Variants in GRID1 observed in about 807,000 individuals in gnomAD.
GRID1 encodes the protein glutamate ionotropic receptor delta type subunit 1, also known as glutamate receptor ionotropic, delta-1.
GRID1 carries 28 observed loss-of-function variants against 98.0 expected under a neutral mutation model. The observed-to-expected ratio is 0.29, with a 90% CI of 0.21 to 0.39. GRID1 has a LOEUF of 0.39. Among genes scored for constraint, GRID1 ranks in the 10% least tolerant of loss-of-function variants. The probability of loss-of-function intolerance (pLI) is 1.00; values close to 1 mark genes in which losing one functional copy is unlikely to be tolerated. For missense variants in GRID1, 1,111 were observed against 1,340.5 expected, an observed-to-expected ratio of 0.83 and a Z score of 2.67; for synonymous variants, 553 against 538.5, an observed-to-expected ratio of 1.03 and a Z score of -0.37.
At chr10:85,814,521 T>C (rs774825462) in intron 8 of GRID1, among the ~76,000 whole-genome samples, 89 of 151,878 alleles carry the variant, frequency 5.9e-4, no homozygotes, top group Non-Finnish European at 1.2e-3. Context: ...TTTGAAAAGA[T>C]GAGTAAGATT....
intron 12 of GRID1, among the ~76,000 whole-genome samples, chr10:85,652,147 A>G (rs1201862102): frequency 6.6e-6 from 1 of 152,140 alleles, no homozygotes; most frequent in Non-Finnish European, 1.5e-5. Flanking sequence ...CCCACCATGC[A>G]TCCTTCAGCT....
intron 2 of GRID1, among the ~76,000 whole-genome samples, chr10:86,292,836 CTGTATA>C (rs1264551370): frequency 5.9e-5 from 9 of 151,458 alleles, no homozygotes; most frequent in African/African-American, 1.7e-4. Flanking sequence ...TTGTGTGGGA[CTGTATA>C]TGTATGAGTG....
At chr10:85,793,014 C>G (rs1252768996) in intron 8 of GRID1, among the ~76,000 whole-genome samples, 1 of 152,188 alleles carries the variant, frequency 6.6e-6, no homozygotes, top group African/African-American at 2.4e-5. Flanking sequence ...TCCCATCCCT[C>G]CCTTAGCTTT....
rs148220959 is a variant in GRID1, at chr10:85,599,917, T to TCA, written c.*2355_*2356insTG. On this transcript the variant is annotated 3_prime_UTR_variant, in exon 16 of 16. Transcript: ENST00000327946. ...TGGTCTCTCTCTCTCTCTCTCTCTC[T>TCA]CTCACACACACACACACACACAAAC... 9.5e-4 allele frequency: 74 copies of TCA among 77,502 alleles called. No individual in the cohort carries two copies. Among genetic ancestry groups the TCA allele is most frequent in the Middle Eastern group, 7.9e-3 (1 of 126 alleles). The allele number at this position is 77,502 out of a possible 1,614,324, so 4.8% of individuals were successfully genotyped here. A position where few individuals can be genotyped will look rare whatever the true frequency, so the allele number is the denominator to read the frequency against.
intron 4 of GRID1, among the ~76,000 whole-genome samples, chr10:86,092,092 A>C (rs1844158186): frequency 6.6e-6 from 1 of 152,184 alleles, no homozygotes; most frequent in African/African-American, 2.4e-5. Flanking sequence ...ACCCCCAAAA[A>C]AATCACACTA....
intron 4 of GRID1, among the ~76,000 whole-genome samples, chr10:86,062,797 G>A (rs138850070): frequency 4.6e-5 from 7 of 152,348 alleles, no homozygotes; most frequent in Non-Finnish European, 7.3e-5. Flanking sequence ...CCCAGCACCC[G>A]TCTGGCACAG....
intron 4 of GRID1, among the ~76,000 whole-genome samples, chr10:86,040,079 T>G (rs374813574): frequency 3.3e-5 from 5 of 152,146 alleles, no homozygotes; most frequent in Non-Finnish European, 5.9e-5. Context: ...CATCCACTGT[T>G]GTGGGGCCTG....
chr10:85,878,228 T>C (rs1840933649), intron 5 of GRID1, among the ~76,000 whole-genome samples: 1 of 152,172 alleles, frequency 6.6e-6, no homozygotes, highest in East Asian at 1.9e-4. Flanking sequence ...TTCCCCAATA[T>C]AGCAAGGCAG....
At chr10:85,745,845 G>C (rs934668455) in intron 8 of GRID1, among the ~76,000 whole-genome samples, 4 of 152,096 alleles carry the variant, frequency 2.6e-5, no homozygotes, top group African/African-American at 9.7e-5. Flanking sequence ...GAAATCAGCT[G>C]CAAAAAGAAT....
At chr10:85,869,257 G>T in intron 5 of GRID1, 77 bp from the exon 6 acceptor site, 1 of 1,316,808 alleles carries the variant, frequency 7.6e-7, no homozygotes, top group Non-Finnish European at 1.1e-6. Flanking sequence ...GAGGCATCTA[G>T]GCCAGCAGCC....
At chr10:85,794,354 G>A (rs1051407461) in intron 8 of GRID1, among the ~76,000 whole-genome samples, 17 of 152,356 alleles carry the variant, frequency 1.1e-4, no homozygotes, top group African/African-American at 4.1e-4. Context: ...GAATCTCAGA[G>A]CATCGGTGCT....
intron 8 of GRID1, among the ~76,000 whole-genome samples, chr10:85,817,992 A>G (rs1842731230): frequency 1.3e-5 from 2 of 152,218 alleles, no homozygotes; most frequent in Admixed American, 6.5e-5. Flanking sequence ...GGAAACAGTG[A>G]TTTGCTTGGA....
chr10:85,627,018 G>T (rs892858443), intron 13 of GRID1, among the ~76,000 whole-genome samples: 3 of 152,216 alleles, frequency 2.0e-5, no homozygotes, highest in African/African-American at 7.2e-5. Context: ...GTTTAAACTA[G>T]TCAGAAGTTG....
intron 4 of GRID1, among the ~76,000 whole-genome samples, chr10:85,945,946 C>T (rs2131840874): frequency 6.6e-6 from 1 of 152,312 alleles, no homozygotes; most frequent in Non-Finnish European, 1.5e-5. Flanking sequence ...CAAGAATTTA[C>T]TTCAAAAAGC....
At chr10:86,153,538 T>C (rs1845199782) in intron 3 of GRID1, among the ~76,000 whole-genome samples, 1 of 152,204 alleles carries the variant, frequency 6.6e-6, no homozygotes, top group African/African-American at 2.4e-5. Context: ...CCAGAAATAA[T>C]GGGTGTCATT....
intron 4 of GRID1, among the ~76,000 whole-genome samples, chr10:86,083,199 T>A (rs567521611): frequency 6.6e-6 from 1 of 152,224 alleles, no homozygotes; most frequent in Non-Finnish European, 1.5e-5. Context: ...AACATTATAT[T>A]CTCATGCAGT....
At chr10:86,138,062 C>T (rs992752831) in intron 4 of GRID1, among the ~76,000 whole-genome samples, 1 of 152,132 alleles carries the variant, frequency 6.6e-6, no homozygotes, top group Admixed American at 6.5e-5. Flanking sequence ...TGCTCCCAGG[C>T]ATACCACATC....
intron 8 of GRID1, among the ~76,000 whole-genome samples, chr10:85,774,870 T>C (rs1842313211): frequency 6.6e-6 from 1 of 151,422 alleles, no homozygotes; most frequent in South Asian, 2.1e-4. Flanking sequence ...ACTTTTACAC[T>C]GTTGGTGGGA....
intron 2 of GRID1, among the ~76,000 whole-genome samples, chr10:86,253,479 G>A (rs1383797936): frequency 1.3e-5 from 2 of 152,224 alleles, no homozygotes; most frequent in Admixed American, 1.3e-4. Context: ...CATTACTGAA[G>A]GCCAGCATGA....
Sources: allele counts gnomAD v4.1 joint callset (sites outside exome capture counted in the v4.1 genomes callset), GRCh38; gene constraint gnomAD v4.1.1; transcripts MANE v1.5; gene names NCBI Gene and HGNC (gene_info 2026-07-23, HGNC 2026-07-21).